CNKSR3: variants seen among roughly 807,000 people sequenced by gnomAD.
CNKSR3 encodes the protein connector enhancer of kinase suppressor of ras 3.
Under a neutral mutation model 67.7 loss-of-function variants are expected in CNKSR3, and 36 were observed. That is an observed-to-expected ratio of 0.53 (90% confidence interval 0.41 to 0.70). The LOEUF (loss-of-function observed/expected upper bound fraction) is 0.70, where lower values mean the gene tolerates loss of function less well. Among genes scored for constraint, CNKSR3 ranks in the 30% least tolerant of loss-of-function variants. The pLI, the probability that CNKSR3 is intolerant of heterozygous loss-of-function variation, is 0.00. For missense variants in CNKSR3, 630 were observed against 695.2 expected, an observed-to-expected ratio of 0.91 and a Z score of 1.05; for synonymous variants, 281 against 271.4, an observed-to-expected ratio of 1.04 and a Z score of -0.35.
chr6:154,439,165 T>C (rs1785531837), intron 4 of CNKSR3, among the ~76,000 whole-genome samples: 1 of 152,172 alleles, frequency 6.6e-6, no homozygotes, highest in Admixed American at 6.5e-5. Context: ...CTCCCTAGCA[T>C]TGCTCTACCT....
intron 1 of CNKSR3, among the ~76,000 whole-genome samples, chr6:154,452,537 T>C (rs190062941): frequency 6.6e-6 from 1 of 152,316 alleles, no homozygotes; most frequent in East Asian, 1.9e-4. Flanking sequence ...TGGGACGCTG[T>C]CTTCCCTAGC....
intron 1 of CNKSR3, among the ~76,000 whole-genome samples, chr6:154,505,504 T>A (rs1405389273): frequency 0.013 from 1,855 of 148,168 alleles, 26 homozygotes; most frequent in African/African-American, 0.024. Flanking sequence ...TTATTTTTTT[T>A]TTTTTTTTTT....
intron 1 of CNKSR3, among the ~76,000 whole-genome samples, chr6:154,473,710 G>A (rs1348027210): frequency 6.6e-6 from 1 of 152,158 alleles, no homozygotes; most frequent in African/African-American, 2.4e-5. Flanking sequence ...CTGGAGTCAG[G>A]TCGCCTGGAT....
intron 1 of CNKSR3, among the ~76,000 whole-genome samples, chr6:154,508,875 CG>C (rs763641135): frequency 6.6e-6 from 1 of 152,160 alleles, no homozygotes; most frequent in Non-Finnish European, 1.5e-5. Flanking sequence ...AAGTCACAGG[CG>C]TGAGAAATGA....
At position 154,454,082 on chromosome 6, in the gene CNKSR3, A is replaced by AACACACACACACACACAC. The variant is rs368097129; in HGVS notation, c.53-3842_53-3825dup. On this transcript the variant is annotated intron_variant, in intron 1 of 12. Coordinates refer to ENST00000607772, the MANE Select transcript of CNKSR3 (RefSeq NM_173515.4). ...AAGGAAATCCCAAATGCAAGATGAA[A>AACACACACACACACACAC]ACACACACACACACACACACACAGA... Among the ~76,000 whole-genome samples the AACACACACACACACACAC allele has an allele frequency of 3.7e-3, 292 of 78,188 alleles. 5 individuals are homozygous for AACACACACACACACACAC. The highest frequency in any genetic ancestry group is 0.014 in the African/African-American group (243 of 17,856). The allele number at this position is 78,188 out of a possible 152,430, so 51.3% of individuals were successfully genotyped here.
At chr6:154,459,513 A>C (rs1786035176) in intron 1 of CNKSR3, among the ~76,000 whole-genome samples, 1 of 152,240 alleles carries the variant, frequency 6.6e-6, no homozygotes, top group Non-Finnish European at 1.5e-5. Flanking sequence ...GCTGATCTAC[A>C]CATTGCTGAA....
Position 154,406,543 on chromosome 6 carries a change from C to A in CNKSR3, c.1479G>T (p.Leu493=), listed in dbSNP as rs1784794033. 2 of 1,614,114 alleles carry A rather than the reference C, an allele frequency of 1.2e-6. No individual in the cohort carries two copies. The highest frequency in any genetic ancestry group is 1.3e-5 in the African/African-American group (1 of 74,940). ...RFSRPTTERH[L]VRGADYIRGS... ...CTCGGATGTAGTCCGCACCCCGGACCAGATGCCGCTCGGTCGTGGGTCTGG... is the reference window on the plus strand; with the variant it reads ...CTCGGATGTAGTCCGCACCCCGGACAAGATGCCGCTCGGTCGTGGGTCTGG... The change falls in exon 13 of 13, where the codon CTG becomes CTT. Residue 493 remains leucine, a synonymous_variant. Transcript: ENST00000607772.
chr6:154,430,611 TAGTC>T lies in CNKSR3; in HGVS notation c.550-24_550-21del, dbSNP rs1349230169. 8 of 1,594,880 alleles carry T rather than the reference TAGTC, an allele frequency of 5.0e-6. No homozygotes were observed. Among genetic ancestry groups the T allele is most frequent in the Admixed American group, 1.8e-5 (1 of 55,036 alleles). On this transcript the variant is annotated intron_variant, in intron 5 of 12. Transcript: ENST00000607772. ...CTTGACCTAGAATTGGAGAAGCAAA[TAGTC>T]AGGAAAGTTCAATCATTAACCAAGT...
At chr6:154,440,535 C>T (rs1785559832) in intron 4 of CNKSR3, among the ~76,000 whole-genome samples, 1 of 152,198 alleles carries the variant, frequency 6.6e-6, no homozygotes, top group Admixed American at 6.5e-5. Flanking sequence ...ATCACAGAAG[C>T]TCAATCAGTT....
chr6:154,448,788 T>C (rs1785762379), intron 2 of CNKSR3, among the ~76,000 whole-genome samples: 1 of 152,144 alleles, frequency 6.6e-6, no homozygotes, highest in South Asian at 2.1e-4. Flanking sequence ...AGAAGAAGAA[T>C]ACACACAATG....
chr6:154,470,580 G>A (rs1043654153), intron 1 of CNKSR3, among the ~76,000 whole-genome samples: 1 of 152,144 alleles, frequency 6.6e-6, no homozygotes, highest in Admixed American at 6.6e-5. Context: ...ATCATCAGGT[G>A]ATCAAGGTTT....
chr6:154,413,637 G>T (rs951711325), intron 10 of CNKSR3, among the ~76,000 whole-genome samples: 1 of 152,084 alleles, frequency 6.6e-6, no homozygotes, highest in Non-Finnish European at 1.5e-5. Flanking sequence ...CCCTCAAGAT[G>T]AATTTACCAT....
chr6:154,421,060 C>A (rs952026016), intron 9 of CNKSR3, among the ~76,000 whole-genome samples: 15 of 152,178 alleles, frequency 9.9e-5, no homozygotes, highest in African/African-American at 3.6e-4. Context: ...GTCATCCAGG[C>A]TGAAGTGTAG....
In CNKSR3 at chr6:154,400,585, C is replaced by T. The variant is rs1784705917; in HGVS notation, c.*5769G>A. The T allele has an allele frequency of 6.6e-6, 1 of 152,150 alleles. No homozygotes were observed. Among genetic ancestry groups the T allele is most frequent in the Admixed American group, 6.5e-5 (1 of 15,268 alleles). The allele number at this position is 152,150 out of a possible 1,614,324, so 9.4% of individuals were successfully genotyped here. A position where few individuals can be genotyped will look rare whatever the true frequency, so the allele number is the denominator to read the frequency against. On this transcript the variant is annotated 3_prime_UTR_variant, in exon 13 of 13. Coordinates refer to ENST00000607772, the MANE Select transcript of CNKSR3 (RefSeq NM_173515.4). ...CAAAATTTCTCTCCTCTATCCAAAT[C>T]AGTAGGCCATAGGCCATTATTTAAG...
At chr6:154,465,779 G>A (rs576475446) in intron 1 of CNKSR3, among the ~76,000 whole-genome samples, 1 of 152,296 alleles carries the variant, frequency 6.6e-6, no homozygotes, top group South Asian at 2.1e-4. Context: ...CACCTGGATG[G>A]GTCAGACGAG....
intron 1 of CNKSR3, among the ~76,000 whole-genome samples, chr6:154,463,043 C>T (rs114423323): frequency 2.5e-3 from 379 of 152,208 alleles, no homozygotes; most frequent in African/African-American, 8.7e-3. Flanking sequence ...AATTTCCCCC[C>T]ACCCTGTCAG....
intron 2 of CNKSR3, among the ~76,000 whole-genome samples, chr6:154,444,469 G>A (rs998248661): frequency 6.6e-6 from 1 of 152,062 alleles, no homozygotes; most frequent in Non-Finnish European, 1.5e-5. Context: ...CCAAAAAAGC[G>A]CCACATGATA....
chr6:154,422,355 A>T, intron 9 of CNKSR3, 151 bp downstream of exon 9: 2 of 734,920 alleles, frequency 2.7e-6, no homozygotes, highest in Admixed American at 2.4e-5. Flanking sequence ...TAGATCTAGA[A>T]TTCATATTTT....
intron 1 of CNKSR3, among the ~76,000 whole-genome samples, chr6:154,470,149 A>C (rs193232600): frequency 9.1e-6 from 1 of 109,910 alleles, no homozygotes; most frequent in East Asian, 2.7e-4. Flanking sequence ...TTTATTTCTT[A>C]TTCTCCCAAC....
Sources: gnomAD v4.1 joint callset for allele counts (sites outside exome capture counted in the v4.1 genomes callset) on GRCh38, gnomAD v4.1.1 for gene constraint, MANE v1.5 for transcripts, NCBI Gene and HGNC (gene_info 2026-07-23, HGNC 2026-07-21) for gene names.